The following ITGAV variants were observed in gnomAD, a reference collection of about 807,000 sequenced individuals.
ITGAV encodes the protein integrin alpha-V.
A neutral mutation model predicts 143.8 loss-of-function variants in ITGAV; 76 were observed. The ratio of observed to expected loss-of-function variants is 0.53; its 90% CI spans 0.44 to 0.64. The LOEUF is 0.64. ITGAV is among the 30% of genes least tolerant of loss of function. ITGAV has a pLI of 0.00. For missense variants in ITGAV, 1,193 were observed against 1,274.7 expected (o/e 0.94, Z 0.98); for synonymous variants, 453 against 446.7 (o/e 1.01, Z -0.18).
intron 1 of ITGAV, among the ~76,000 whole-genome samples, chr2:186,596,186 G>A (rs992095395): frequency 3.3e-5 from 5 of 152,132 alleles, no homozygotes; most frequent in Non-Finnish European, 1.5e-5. Context: ...AGTAATTACA[G>A]TGGGCATTGT....
In ITGAV at chr2:186,619,907, G is replaced by A. The variant is rs891189581; in HGVS notation, c.317-2432G>A. Among the ~76,000 whole-genome samples, 3 of 151,926 alleles carry A rather than the reference G, an allele frequency of 2.0e-5. No homozygotes were observed. In the South Asian group the frequency reaches 6.2e-4, roughly 32 times the overall value. On this transcript the variant is annotated intron_variant, in intron 2 of 29. Transcript: ENST00000261023. The stretch of plus-strand genomic sequence containing the variant: ...CTTGGGAGGCTGAGGCAGGAGAATC[G>A]CTTGAACTCGGGAGGTGGAGGTTGC...
intron 18 of ITGAV, among the ~76,000 whole-genome samples, chr2:186,661,235 A>AT (rs1354330149): frequency 6.6e-6 from 1 of 151,996 alleles, no homozygotes; most frequent in Non-Finnish European, 1.5e-5. Context: ...TTTATTAGAA[A>AT]TTTTTTTTGT....
At chr2:186,651,924 A>T (rs1338955136) in intron 14 of ITGAV, 58 bp from the exon 15 acceptor site, 1 of 1,005,096 alleles carries the variant, frequency 9.9e-7, no homozygotes, top group African/African-American at 1.6e-5. Flanking sequence ...AAAATATTTC[A>T]ATCAACCTAA....
intron 25 of ITGAV, 145 bp from the exon 26 acceptor site, chr2:186,669,556 C>T: frequency 1.7e-6 from 1 of 604,562 alleles, no homozygotes; most frequent in Non-Finnish European, 2.9e-6. Context: ...CCTTACTGCT[C>T]ACTATATACT....
intron 12 of ITGAV, among the ~76,000 whole-genome samples, chr2:186,643,662 A>C (rs1464065178): frequency 6.6e-6 from 1 of 152,188 alleles, no homozygotes; most frequent in South Asian, 2.1e-4. Context: ...CCAAAATTTT[A>C]TATAGCCCCA....
intron 13 of ITGAV, among the ~76,000 whole-genome samples, chr2:186,648,567 A>T (rs1688325752): frequency 6.6e-6 from 1 of 152,238 alleles, no homozygotes; most frequent in African/African-American, 2.4e-5. Flanking sequence ...CGGGTTCAAG[A>T]GAGTCTCCTG....
chr2:186,642,957 C>A (rs969421106), intron 12 of ITGAV, among the ~76,000 whole-genome samples: 6 of 152,098 alleles, frequency 3.9e-5, no homozygotes, highest in Non-Finnish European at 8.8e-5. Context: ...GTATGAAGTT[C>A]ATAATAAAAT....
At chr2:186,662,449 G>A (rs2105739734) in intron 18 of ITGAV, among the ~76,000 whole-genome samples, 1 of 152,166 alleles carries the variant, frequency 6.6e-6, no homozygotes, top group South Asian at 2.1e-4. Context: ...ACTTGAAATG[G>A]GCTTAGTGTC....
intron 17 of ITGAV, among the ~76,000 whole-genome samples, chr2:186,658,400 G>A (rs1354598513): frequency 6.6e-6 from 1 of 152,158 alleles, no homozygotes; most frequent in East Asian, 1.9e-4. Flanking sequence ...GCGGACGGCA[G>A]TGTGAATTGT....
chr2:186,591,261 A>G (rs1024461538), intron 1 of ITGAV, among the ~76,000 whole-genome samples: 1 of 152,124 alleles, frequency 6.6e-6, no homozygotes, highest in African/African-American at 2.4e-5. Context: ...TTAATAATTC[A>G]GTTATGTTTT....
chr2:186,672,639 A>G, intron 26 of ITGAV, among the ~76,000 whole-genome samples: 1 of 152,176 alleles, frequency 6.6e-6, no homozygotes, highest in East Asian at 1.9e-4. Flanking sequence ...GTTGGTGTGA[A>G]GAAGTAACTC....
At position 186,656,355 on chromosome 2, in the gene ITGAV, CA is replaced by C; in HGVS notation, c.1675del (p.Arg559GlyfsTer4). 1 of 1,557,130 alleles carries C rather than the reference CA, an allele frequency of 6.4e-7. No homozygotes were observed. The highest frequency in any genetic ancestry group is 8.6e-7 in the Non-Finnish European group (1 of 1,158,164). The stretch of plus-strand genomic sequence containing the variant: ...AGTCACTCCAAGAACATGACTATTT[CA>C]AGGGGGGGACTGATGCAGTGTGAGG... ...SPSHSKNMTI[S>X]RGGLMQCEEL... On this transcript the variant is annotated frameshift_variant, in exon 17 of 30. Transcript: ENST00000261023. LOFTEE classifies it high-confidence loss of function.
intron 2 of ITGAV, among the ~76,000 whole-genome samples, chr2:186,618,378 A>G (rs1269034891): frequency 6.6e-6 from 1 of 152,226 alleles, no homozygotes; most frequent in Non-Finnish European, 1.5e-5. Context: ...GTTATACTGG[A>G]CTACTTTGGT....
At chr2:186,600,982 A>G (rs1559038164) in intron 1 of ITGAV, among the ~76,000 whole-genome samples, 1 of 151,826 alleles carries the variant, frequency 6.6e-6, no homozygotes, top group Non-Finnish European at 1.5e-5. Flanking sequence ...AAAGGCAGAA[A>G]CCAAGGTTGT....
Position 186,676,890 on chromosome 2 carries a change from A to C in ITGAV, c.3006A>C (p.Leu1002=). 1 of 1,614,088 alleles carries C rather than the reference A, an allele frequency of 6.2e-7. No individual in the cohort carries two copies. Among genetic ancestry groups the C allele is most frequent in the Non-Finnish European group, 8.5e-7 (1 of 1,179,988 alleles). Residue 1002 remains leucine (L), a synonymous_variant, in exon 29 of 30, where the codon CTA becomes CTC. Transcript: ENST00000261023. The part of the protein sequence containing the change: ...VPVWVIILAV[L]AGLLLLAVLV... ...TGTGGGTGATCATTTTAGCAGTTCT[A>C]GCAGGATTGTTGCTACTGGCTGTTT...
At chr2:186,661,989 T>G (rs1238586668) in intron 18 of ITGAV, among the ~76,000 whole-genome samples, 1 of 152,168 alleles carries the variant, frequency 6.6e-6, no homozygotes, top group Non-Finnish European at 1.5e-5. Context: ...GCTTTTCCAT[T>G]TCTGAAACTA....
rs1687547029 is a variant in ITGAV at position 186,622,210 on chromosome 2, A to G, written c.317-129A>G. The G allele has an allele frequency of 1.1e-5, 7 of 644,356 alleles. No homozygotes were observed. The South Asian group carries it at 1.4e-4, about 13-fold the overall frequency. 39.9% of individuals were successfully genotyped at this position (644,356 alleles called of 1,614,324 possible). A position where few individuals can be genotyped will look rare whatever the true frequency, so the allele number is the denominator to read the frequency against. On this transcript the variant is annotated intron_variant, in intron 2 of 29. Coordinates refer to ENST00000261023, the MANE Select transcript of ITGAV (RefSeq NM_002210.5). ...CTAATGTATATAAACTGTATATGAG[A>G]AAAATAACCAGTGGAATATTTGATT...
chr2:186,671,943 T>C (rs925386844), intron 26 of ITGAV, among the ~76,000 whole-genome samples: 2 of 57,802 alleles, frequency 3.5e-5, no homozygotes, highest in African/African-American at 1.2e-4. Context: ...GCCTTAGTAC[T>C]CCTTTTTTTT....
chr2:186,664,429 G>C (rs1299364050), intron 19 of ITGAV, 65 bp from the exon 20 acceptor site: 2 of 1,477,100 alleles, frequency 1.4e-6, no homozygotes, highest in Non-Finnish European at 1.9e-6. Flanking sequence ...TTCTTTCTTT[G>C]AACAGTCATA....
Sources: allele counts gnomAD v4.1 joint callset (sites outside exome capture counted in the v4.1 genomes callset), GRCh38; gene constraint gnomAD v4.1.1; transcripts MANE v1.5; gene names NCBI Gene and HGNC (gene_info 2026-07-23, HGNC 2026-07-21).